The following LRP6 variants were observed in gnomAD, a reference collection of about 807,000 sequenced individuals.
The protein encoded by LRP6 is LDL receptor related protein 6, also known as low-density lipoprotein receptor-related protein 6.
In LRP6, 43 loss-of-function variants were observed where a neutral mutation model predicts 184.1. That is an observed-to-expected ratio of 0.23 (90% CI 0.18 to 0.30). The LOEUF (loss-of-function observed/expected upper bound fraction) is 0.30, where lower values mean the gene tolerates loss of function less well. LRP6 is among the 10% of genes least tolerant of loss of function. The probability of loss-of-function intolerance (pLI) is 1.00; values close to 1 mark genes in which losing one functional copy is unlikely to be tolerated. For missense variants in LRP6, 1,571 were observed against 2,005.3 expected, an observed-to-expected ratio of 0.78 and a Z score of 4.14; for synonymous variants, 719 against 684.9, an observed-to-expected ratio of 1.05 and a Z score of -0.78.
intron 1 of LRP6, among the ~76,000 whole-genome samples, chr12:12,246,464 G>A (rs1469479699): frequency 6.6e-6 from 1 of 151,886 alleles, no homozygotes; most frequent in Non-Finnish European, 1.5e-5. Context: ...TGTAATCCCA[G>A]CACTTTGGTT....
chr12:12,242,831 C>T (rs1479469734), intron 2 of LRP6, among the ~76,000 whole-genome samples: 1 of 152,180 alleles, frequency 6.6e-6, no homozygotes, highest in Non-Finnish European at 1.5e-5. Context: ...CCACATAATC[C>T]TTTACAGTCA....
At chr12:12,160,187 C>T (rs900488196) in intron 10 of LRP6, among the ~76,000 whole-genome samples, 6 of 152,142 alleles carry the variant, frequency 3.9e-5, no homozygotes, top group Non-Finnish European at 8.8e-5. Flanking sequence ...TTTCCTTAGT[C>T]TTTCCAATAC....
chr12:12,176,847 T>TC (rs1863197074), intron 7 of LRP6, among the ~76,000 whole-genome samples: 2 of 147,616 alleles, frequency 1.4e-5, no homozygotes, highest in Non-Finnish European at 3.0e-5. Flanking sequence ...CCCAAACTTT[T>TC]TTTTTTTTTT....
intron 2 of LRP6, among the ~76,000 whole-genome samples, chr12:12,220,033 T>C (rs1864447113): frequency 6.6e-6 from 1 of 152,142 alleles, no homozygotes; most frequent in Non-Finnish European, 1.5e-5. Context: ...ACGCCTGTAA[T>C]CCCACCACTT....
At chr12:12,221,548 T>C (rs953350751) in intron 2 of LRP6, among the ~76,000 whole-genome samples, 1 of 152,222 alleles carries the variant, frequency 6.6e-6, no homozygotes, top group Non-Finnish European at 1.5e-5. Flanking sequence ...AGAAATTTAT[T>C]TTAAAATATC....
chr12:12,228,696 C>A (rs952416357), intron 2 of LRP6, among the ~76,000 whole-genome samples: 2 of 152,206 alleles, frequency 1.3e-5, no homozygotes, highest in African/African-American at 4.8e-5. Context: ...TGCAACAGAT[C>A]TAGGTTGCAC....
At chr12:12,145,299 G>C (rs967195274) in intron 15 of LRP6, among the ~76,000 whole-genome samples, 5 of 151,890 alleles carry the variant, frequency 3.3e-5, no homozygotes, top group African/African-American at 1.2e-4. Flanking sequence ...ATACATAATG[G>C]AAGGGAGGCA....
intron 2 of LRP6, among the ~76,000 whole-genome samples, chr12:12,228,595 G>A (rs186502066): frequency 6.6e-6 from 1 of 152,304 alleles, no homozygotes; most frequent in East Asian, 1.9e-4. Context: ...GTGAGCAGCA[G>A]GCAAGCGAGC....
chr12:12,242,953 C>A (rs1047312976), intron 2 of LRP6, among the ~76,000 whole-genome samples: 2 of 152,162 alleles, frequency 1.3e-5, no homozygotes, highest in African/African-American at 4.8e-5. Context: ...TCCCCAAGTT[C>A]TCATTTATTA....
chr12:12,263,213 C>T (rs1429569045), intron 1 of LRP6, among the ~76,000 whole-genome samples: 3 of 146,376 alleles, frequency 2.0e-5, no homozygotes, highest in African/African-American at 5.1e-5. Flanking sequence ...TGCAGTGAGC[C>T]GAGATCATGC....
rs1555113238 is a variant in LRP6, at chr12:12,184,389, A to AAAACAAAC, written c.845-286_845-279dup. Among the ~76,000 whole-genome samples, 49 of 106,322 alleles carry AAAACAAAC rather than the reference A, an allele frequency of 4.6e-4. 1 individual carries two copies. The highest frequency in any genetic ancestry group is 1.3e-3 in the African/African-American group (46 of 34,582). 69.8% of individuals were successfully genotyped at this position (106,322 alleles called of 152,430 possible). On this transcript the variant is annotated intron_variant, in intron 4 of 22. Coordinates refer to ENST00000261349, the MANE Select transcript of LRP6 (RefSeq NM_002336.3). ...ACAAAATTAACAAAAAGCAAAACTA[A>AAAACAAAC]AAACAAACAAACAAACAAACAAAAC...
intron 1 of LRP6, among the ~76,000 whole-genome samples, chr12:12,261,733 A>G (rs1030839703): frequency 6.6e-6 from 1 of 152,196 alleles, no homozygotes; most frequent in Non-Finnish European, 1.5e-5. Flanking sequence ...AAGGTTACAC[A>G]GCAAATTTAG....
chr12:12,155,988 CAG>C, intron 12 of LRP6, among the ~76,000 whole-genome samples: 1 of 151,224 alleles, frequency 6.6e-6, no homozygotes, highest in South Asian at 2.1e-4. Context: ...ATGAAGAAAA[CAG>C]AAAAAAAATT....
Position 12,125,369 on chromosome 12 carries a change from G to T in LRP6, c.4376C>A (p.Pro1459His), listed in dbSNP as rs376248000. The T allele has an allele frequency of 6.2e-7, 1 of 1,613,950 alleles. No individual in the cohort carries two copies. The highest frequency in any genetic ancestry group is 1.7e-5 in the Admixed American group (1 of 59,998). Residue 1459 changes from proline (P) to histidine (H), a missense_variant, in exon 21 of 23, where the codon CCC becomes CAC. By Grantham distance (77) the Pro-to-His change is moderately conservative. Transcript: ENST00000261349. ...LSIMGGSSGP[P>H]YDRAHVTGAS... ...TCCTGTAACATGGGCTCGGTCATAGGGGGGTCCACTGCTTCCCCCCATGAT... is the reference window on the plus strand; with the variant it reads ...TCCTGTAACATGGGCTCGGTCATAGTGGGGTCCACTGCTTCCCCCCATGAT...
intron 4 of LRP6, 23 bp downstream of exon 4, chr12:12,186,900 T>C: frequency 3.7e-6 from 6 of 1,609,710 alleles, no homozygotes; most frequent in Non-Finnish European, 3.4e-6. Context: ...CAACTTGCAA[T>C]TTAAAAATCA....
chr12:12,150,705 G>C, intron 13 of LRP6, 131 bp downstream of exon 13: 1 of 903,168 alleles, frequency 1.1e-6, no homozygotes, highest in Non-Finnish European at 1.8e-6. Context: ...TAAGCTACTA[G>C]GTCCAGAATT....
At chr12:12,145,884 G>A (rs113091414) in intron 15 of LRP6, among the ~76,000 whole-genome samples, 7,893 of 151,712 alleles carry the variant, frequency 0.052, 288 homozygotes, top group Middle Eastern at 0.16. Flanking sequence ...CACCCTCTTC[G>A]GCCTCTCAAA....
intron 10 of LRP6, 59 bp downstream of exon 10, chr12:12,162,134 G>T: frequency 7.9e-7 from 1 of 1,262,430 alleles, no homozygotes; most frequent in Non-Finnish European, 1.2e-6. Context: ...CTGTAACTAT[G>T]CCATGTTCCC....
chr12:12,181,391 ATGC>A lies in LRP6; in HGVS notation c.1022_1024del (p.Arg341_Ile342delinsLeu), dbSNP rs1170233411. The A allele has an allele frequency of 6.6e-7, 1 of 1,518,486 alleles. No homozygotes were observed. The highest frequency in any genetic ancestry group is 9.1e-7 in the Non-Finnish European group (1 of 1,093,052). 94.1% of individuals were successfully genotyped at this position (1,518,486 alleles called of 1,614,324 possible). ...TGTAAAATCTGGTGTATCCAAAGAAATGCGTCTCAAGTCTGTCCTTCGAGCTAA... is the reference window on the plus strand; with the variant it reads ...TGTAAAATCTGGTGTATCCAAAGAAAGTCTCAAGTCTGTCCTTCGAGCTAA... On this transcript the variant is annotated inframe_deletion, in exon 6 of 23. Coordinates refer to ENST00000261349, the MANE Select transcript of LRP6 (RefSeq NM_002336.3).
Sources: allele counts gnomAD v4.1 joint callset (sites outside exome capture counted in the v4.1 genomes callset), GRCh38; gene constraint gnomAD v4.1.1; transcripts MANE v1.5; gene names NCBI Gene and HGNC (gene_info 2026-07-23, HGNC 2026-07-21).